Variants in ROBO2 observed in about 807,000 individuals in gnomAD.
ROBO2 encodes the protein roundabout homolog 2.
ROBO2 carries 53 observed loss-of-function variants against 160.8 expected under a neutral mutation model. That is an observed-to-expected ratio of 0.33 (90% CI 0.26 to 0.41). ROBO2 has a LOEUF of 0.41. ROBO2 is among the 10% of genes least tolerant of loss of function. The pLI is 1.00. For synonymous variants in ROBO2, 664 were observed against 611.7 expected (o/e 1.09, Z -1.26); for missense variants, 1,577 against 1,722.4 (o/e 0.92, Z 1.49).
At chr3:77,317,029 C>A in intron 2 of ROBO2, 1 of 1,527,888 alleles carries the variant, frequency 6.5e-7, no homozygotes, top group African/African-American at 1.4e-5. Flanking sequence ...GTAAATGGAG[C>A]CGCCAAACTC....
chr3:76,236,572 T>C (rs1023068100), intron 2 of ROBO2, among the ~76,000 whole-genome samples: 1 of 152,158 alleles, frequency 6.6e-6, no homozygotes, highest in African/African-American at 2.4e-5. Context: ...TTCTACTAAG[T>C]AGATTATTAG....
At chr3:76,885,427 ATAT>A (rs1396175718) in intron 2 of ROBO2, among the ~76,000 whole-genome samples, 1 of 152,192 alleles carries the variant, frequency 6.6e-6, no homozygotes, top group African/African-American at 2.4e-5. Context: ...GATTTATCTG[ATAT>A]TATAAGATTT....
intron 2 of ROBO2, among the ~76,000 whole-genome samples, chr3:77,339,041 G>C (rs2153449451): frequency 6.6e-6 from 1 of 152,080 alleles, no homozygotes; most frequent in South Asian, 2.1e-4. Flanking sequence ...GCTGCTTTCA[G>C]ACAAGAAACA....
intron 2 of ROBO2, among the ~76,000 whole-genome samples, chr3:76,581,603 A>C (rs996367179): frequency 6.6e-6 from 1 of 152,150 alleles, no homozygotes; most frequent in African/African-American, 2.4e-5. Flanking sequence ...ATGACACTGC[A>C]CTCCAGTCTG....
At chr3:75,957,565 T>G (rs1187943777) in intron 2 of ROBO2, among the ~76,000 whole-genome samples, 1 of 151,582 alleles carries the variant, frequency 6.6e-6, no homozygotes, top group Non-Finnish European at 1.5e-5. Flanking sequence ...ATTTAGTGTT[T>G]TTTACTTTAC....
At chr3:76,170,101 A>T (rs528292715) in intron 2 of ROBO2, among the ~76,000 whole-genome samples, 125 of 152,178 alleles carry the variant, frequency 8.2e-4, no homozygotes, top group African/African-American at 2.6e-3. Context: ...TTTTTAAAAA[A>T]TTTTTTACTC....
At chr3:77,170,587 TG>T (rs904483509) in intron 2 of ROBO2, among the ~76,000 whole-genome samples, 1 of 152,094 alleles carries the variant, frequency 6.6e-6, no homozygotes, top group African/African-American at 2.4e-5. Context: ...GTCACTTTAT[TG>T]GAGAAACATA....
At chr3:77,489,027 C>T (rs2085732133) in intron 4 of ROBO2, among the ~76,000 whole-genome samples, 1 of 151,934 alleles carries the variant, frequency 6.6e-6, no homozygotes, top group South Asian at 2.1e-4. Context: ...TAACAGAAAA[C>T]AATTGGAATA....
At position 76,026,261 on chromosome 3, in the gene ROBO2, T is replaced by G. The variant is rs191020892; in HGVS notation, c.109+88659T>G. 7.9e-5 allele frequency among the ~76,000 whole-genome samples: 12 copies of G among 152,094 alleles called. No individual in the cohort carries two copies. In the East Asian group the frequency reaches 2.3e-3, roughly 29 times the overall value. The stretch of plus-strand genomic sequence containing the variant: ...TACAATATTACTTTCCTACTGTTTC[T>G]TGTTTTTATCTATTTTTGGTCTATG... On this transcript the variant is annotated intron_variant, in intron 2 of 26. Coordinates refer to the ROBO2 transcript ENST00000487694.
chr3:77,248,095 G>A (rs1325668445), intron 2 of ROBO2, among the ~76,000 whole-genome samples: 1 of 152,160 alleles, frequency 6.6e-6, no homozygotes, highest in African/African-American at 2.4e-5. Context: ...GGATGTTGGA[G>A]AGAAGTGGTT....
intron 2 of ROBO2, among the ~76,000 whole-genome samples, chr3:76,715,303 C>A (rs2093361968): frequency 1.3e-5 from 2 of 152,074 alleles, no homozygotes. Flanking sequence ...ACGAAGAATA[C>A]CACCACCACT....
At chr3:76,799,042 G>GTT (rs2108828037) in intron 2 of ROBO2, among the ~76,000 whole-genome samples, 1 of 151,790 alleles carries the variant, frequency 6.6e-6, no homozygotes, top group South Asian at 2.1e-4. Flanking sequence ...GTGAAACCCC[G>GTT]TCTCTACTAA....
At chr3:76,384,353 AC>A (rs1275794725) in intron 2 of ROBO2, among the ~76,000 whole-genome samples, 1 of 152,170 alleles carries the variant, frequency 6.6e-6, no homozygotes. Context: ...GTATATGTTA[AC>A]ATTCAGCCAT....
At chr3:76,362,369 TAAA>T (rs527416931) in intron 2 of ROBO2, among the ~76,000 whole-genome samples, 2 of 151,700 alleles carry the variant, frequency 1.3e-5, no homozygotes, top group African/African-American at 4.8e-5. Flanking sequence ...GACCTTCTCT[TAAA>T]AAAAAGTGAA....
At chr3:76,003,884 G>A (rs1366975434) in intron 2 of ROBO2, among the ~76,000 whole-genome samples, 1 of 152,192 alleles carries the variant, frequency 6.6e-6, no homozygotes, top group East Asian at 1.9e-4. Flanking sequence ...ACTACAATGA[G>A]ATGCCCTATA....
intron 5 of ROBO2, among the ~76,000 whole-genome samples, chr3:77,500,552 T>C (rs1479457562): frequency 6.6e-6 from 1 of 152,156 alleles, no homozygotes; most frequent in Non-Finnish European, 1.5e-5. Flanking sequence ...AGCAATAGAG[T>C]TAAGGTAATT....
At chr3:77,316,868 C>T in intron 2 of ROBO2, 1 of 1,179,482 alleles carries the variant, frequency 8.5e-7, no homozygotes, top group Non-Finnish European at 1.3e-6. Flanking sequence ...TGAGTGTATC[C>T]TAAACCTATC....
chr3:77,262,430 T>G (rs2058834918), intron 2 of ROBO2, among the ~76,000 whole-genome samples: 1 of 152,162 alleles, frequency 6.6e-6, no homozygotes, highest in African/African-American at 2.4e-5. Context: ...TACTCACAAA[T>G]GAGTACTTGT....
chr3:77,248,520 G>A (rs1468736206), intron 2 of ROBO2, among the ~76,000 whole-genome samples: 1 of 152,160 alleles, frequency 6.6e-6, no homozygotes, highest in Non-Finnish European at 1.5e-5. Context: ...GGGGCTTCAG[G>A]GGTCGCGAGC....
Sources: allele counts gnomAD v4.1 joint callset (sites outside exome capture counted in the v4.1 genomes callset), GRCh38; gene constraint gnomAD v4.1.1; transcripts MANE v1.5; gene names NCBI Gene and HGNC (gene_info 2026-07-23, HGNC 2026-07-21).